ANKFN1: variants seen among roughly 807,000 people sequenced by gnomAD.
ANKFN1 encodes the protein ankyrin repeat and fibronectin type III domain containing 1, also known as ankyrin repeat and fibronectin type-III domain-containing protein 1.
In ANKFN1, 74 loss-of-function variants were observed where a neutral mutation model predicts 108.7. The observed-to-expected ratio is 0.68, with a 90% CI of 0.56 to 0.83. ANKFN1 has a LOEUF of 0.83. Ranked by LOEUF, ANKFN1 falls within the 40% of genes least tolerant of loss-of-function variation. The pLI is 0.00. For synonymous variants in ANKFN1, 547 were observed against 516.2 expected (o/e 1.06, Z -0.81); for missense variants, 1,505 against 1,382.3 (o/e 1.09, Z -1.41).
chr17:56,299,821 T>A lies in ANKFN1; in HGVS notation c.54-26400T>A, dbSNP rs140407241. 1.1e-3 allele frequency among the ~76,000 whole-genome samples: 166 copies of A among 152,364 alleles called. 3 individuals are homozygous for A. In the East Asian group the frequency reaches 0.029, roughly 26 times the overall value. On this transcript the variant is annotated intron_variant, in intron 3 of 20. Transcript: ENST00000682825. ...CAGTTTTTATTTCTATTCTCCATTG[T>A]GATTCAAATAGTACATTTGGACTCC...
chr17:56,105,218 C>A (rs1464321569), intron 4 of ANKFN1, among the ~76,000 whole-genome samples: 1 of 152,044 alleles, frequency 6.6e-6, no homozygotes, highest in East Asian at 1.9e-4. Context: ...GCAGTGGAAA[C>A]AATAGTCAAG....
At chr17:56,191,947 G>A (rs1005429812) in intron 1 of ANKFN1, among the ~76,000 whole-genome samples, 15 of 151,278 alleles carry the variant, frequency 9.9e-5, no homozygotes, top group East Asian at 3.9e-4. Context: ...TTCCCTTCTC[G>A]CTTCATTTCA....
chr17:56,101,859 C>A (rs1361172809), intron 4 of ANKFN1, among the ~76,000 whole-genome samples: 1 of 152,218 alleles, frequency 6.6e-6, no homozygotes. Flanking sequence ...CCTCATCCTA[C>A]TACCTAATGA....
chr17:56,192,034 G>T (rs564464414), intron 1 of ANKFN1, among the ~76,000 whole-genome samples: 1 of 151,600 alleles, frequency 6.6e-6, no homozygotes, highest in African/African-American at 2.4e-5. Context: ...CATTCTTCAC[G>T]TAGTTCTCGA....
At chr17:56,203,963 C>T (rs1031658894) in intron 1 of ANKFN1, among the ~76,000 whole-genome samples, 1 of 152,152 alleles carries the variant, frequency 6.6e-6, no homozygotes. Flanking sequence ...ACTATGCCTG[C>T]TTTTTCCCTG....
chr17:56,306,717 GA>G (rs1283730013), intron 3 of ANKFN1, among the ~76,000 whole-genome samples: 1 of 152,102 alleles, frequency 6.6e-6, no homozygotes. Flanking sequence ...CACAGAATTG[GA>G]AAAAACTGCC....
intron 4 of ANKFN1, among the ~76,000 whole-genome samples, chr17:56,135,930 G>A (rs917922088): frequency 1.2e-4 from 19 of 152,274 alleles, no homozygotes; most frequent in South Asian, 2.1e-4. Flanking sequence ...CAAAAATTAT[G>A]TGAATGAGAA....
intron 8 of ANKFN1, among the ~76,000 whole-genome samples, chr17:56,416,111 C>A (rs1256803239): frequency 6.6e-6 from 1 of 152,050 alleles, no homozygotes; most frequent in Non-Finnish European, 1.5e-5. Flanking sequence ...GAAATTAGTA[C>A]AAGATAACAC....
At chr17:56,459,080 G>T (rs1006030790) in intron 14 of ANKFN1, among the ~76,000 whole-genome samples, 1 of 152,158 alleles carries the variant, frequency 6.6e-6, no homozygotes, top group Non-Finnish European at 1.5e-5. Context: ...TTAGCAAACA[G>T]CTGTTCATTT....
intron 4 of ANKFN1, among the ~76,000 whole-genome samples, chr17:56,140,131 C>T (rs1907831517): frequency 6.6e-6 from 1 of 152,222 alleles, no homozygotes. Context: ...ACTGATCTTT[C>T]TAGAACTCCT....
intron 3 of ANKFN1, among the ~76,000 whole-genome samples, chr17:56,271,753 C>A (rs2043800153): frequency 3.3e-5 from 5 of 151,042 alleles, no homozygotes; most frequent in Non-Finnish European, 4.5e-5. Flanking sequence ...CATGGACCTG[C>A]AAGAGACCAG....
intron 3 of ANKFN1, among the ~76,000 whole-genome samples, chr17:56,300,741 A>C (rs1367874706): frequency 6.6e-6 from 1 of 152,114 alleles, no homozygotes; most frequent in Non-Finnish European, 1.5e-5. Context: ...TAGATTCCAC[A>C]CTTAGGCAGA....
chr17:56,097,608 T>C, intron 4 of ANKFN1, among the ~76,000 whole-genome samples: 1 of 152,240 alleles, frequency 6.6e-6, no homozygotes, highest in East Asian at 1.9e-4. Context: ...CTCTCCGCAG[T>C]CTAAGCAGAG....
intron 3 of ANKFN1, among the ~76,000 whole-genome samples, chr17:56,232,208 TC>T: frequency 6.6e-6 from 1 of 152,284 alleles, no homozygotes; most frequent in East Asian, 1.9e-4. Flanking sequence ...GGTTTAGTTA[TC>T]CTTTTCCATT....
intron 1 of ANKFN1, among the ~76,000 whole-genome samples, chr17:56,160,491 A>G (rs999876013): frequency 6.6e-6 from 1 of 151,870 alleles, no homozygotes; most frequent in African/African-American, 2.4e-5. Flanking sequence ...TGGAAACTTT[A>G]GGAGAGCTTG....
chr17:56,329,710 A>G (rs923375334), intron 4 of ANKFN1, among the ~76,000 whole-genome samples: 5 of 152,214 alleles, frequency 3.3e-5, no homozygotes, highest in Non-Finnish European at 7.3e-5. Context: ...TGATACATGT[A>G]AAAACACTGC....
chr17:56,383,378 G>A (rs1021469848), intron 8 of ANKFN1, among the ~76,000 whole-genome samples: 9 of 152,046 alleles, frequency 5.9e-5, no homozygotes, highest in African/African-American at 2.2e-4. Flanking sequence ...GAGAAAGCAG[G>A]AAAGATCCAA....
At chr17:56,270,303 G>A (rs564114725) in intron 3 of ANKFN1, among the ~76,000 whole-genome samples, 10 of 152,306 alleles carry the variant, frequency 6.6e-5, no homozygotes, top group African/African-American at 2.4e-4. Context: ...CCATGACCAG[G>A]CCCATGTGGA....
chr17:56,331,041 G>A (rs557284228), intron 4 of ANKFN1, among the ~76,000 whole-genome samples: 1 of 152,228 alleles, frequency 6.6e-6, no homozygotes, highest in African/African-American at 2.4e-5. Flanking sequence ...TTAACAGCAG[G>A]TGGGGAATGG....
Sources: gnomAD v4.1 joint callset for allele counts (sites outside exome capture counted in the v4.1 genomes callset) on GRCh38, gnomAD v4.1.1 for gene constraint, MANE v1.5 for transcripts, NCBI Gene and HGNC (gene_info 2026-07-23, HGNC 2026-07-21) for gene names.